WSCD2: variants seen among roughly 807,000 people sequenced by gnomAD.
WSCD2 encodes WSC domain sialate O sulfotransferase 2, also known as sialate:O-sulfotransferase 2.
WSCD2 carries 28 observed loss-of-function variants against 55.7 expected under a neutral mutation model. That is an observed-to-expected ratio of 0.50 (90% CI 0.37 to 0.69). The LOEUF is 0.69. Ranked by LOEUF, WSCD2 falls within the 30% of genes least tolerant of loss-of-function variation. The pLI is 0.00. For synonymous variants in WSCD2, 301 were observed against 301.9 expected (o/e 1.00, Z 0.03); for missense variants, 616 against 762.1 (o/e 0.81, Z 2.26).
Position 108,206,477 on chromosome 12 carries a change from C to A in WSCD2, c.497+74C>A. On this transcript the variant is annotated intron_variant, in intron 3 of 8. Transcript: ENST00000547525. The stretch of plus-strand genomic sequence containing the variant: ...AGATTCCCACCTGTGGTATTCTTTG[C>A]CCTGCTATGGGAGGGTGTGTTGAAG... The A allele has an allele frequency of 2.8e-6, 4 of 1,443,530 alleles. 1 individual carries two copies. The South Asian group carries it at 4.7e-5, about 17-fold the overall frequency. 89.4% of individuals were successfully genotyped at this position (1,443,530 alleles called of 1,614,324 possible).
intron 1 of WSCD2, among the ~76,000 whole-genome samples, chr12:108,130,475 G>GGGGT (rs1168797147): frequency 1.8e-4 from 24 of 134,512 alleles, no homozygotes; most frequent in African/African-American, 4.9e-4. Flanking sequence ...TCCATTCTGG[G>GGGGT]GTGTGTGTGT....
intron 1 of WSCD2, among the ~76,000 whole-genome samples, chr12:108,169,773 G>A (rs562209429): frequency 1.2e-4 from 19 of 152,204 alleles, no homozygotes; most frequent in Non-Finnish European, 2.5e-4. Flanking sequence ...AAGTCAGAGA[G>A]AGGCTACCTC....
Position 108,248,595 on chromosome 12 carries a change from A to G in WSCD2, c.*252A>G, listed in dbSNP as rs954909018. 7.8e-6 allele frequency: 10 copies of G among 1,275,576 alleles called. No individual in the cohort carries two copies. In the East Asian group the frequency reaches 2.3e-4, roughly 29 times the overall value. The allele number at this position is 1,275,576 out of a possible 1,614,324, so 79.0% of individuals were successfully genotyped here. A position where few individuals can be genotyped will look rare whatever the true frequency, so the allele number is the denominator to read the frequency against. On this transcript the variant is annotated 3_prime_UTR_variant, in exon 9 of 9. Coordinates refer to ENST00000547525, the MANE Select transcript of WSCD2 (RefSeq NM_014653.4). This position sits in a 1 kb window ranked among gnomAD's most constrained non-coding sequence, Gnocchi z 4.3. Reference sequence around the variant, plus strand: ...GCATCTTGTTTAGGGGGTTCTAGTTACATGGACTCTTTTCTGTCTCCTGGG... The same window carrying G: ...GCATCTTGTTTAGGGGGTTCTAGTTGCATGGACTCTTTTCTGTCTCCTGGG...
intron 1 of WSCD2, among the ~76,000 whole-genome samples, chr12:108,146,234 C>G (rs928241128): frequency 6.6e-6 from 1 of 152,196 alleles, no homozygotes; most frequent in Non-Finnish European, 1.5e-5. Flanking sequence ...TCTTTGGGGG[C>G]CCCCATCCAC....
chr12:108,218,594 A>C (rs899622129), intron 4 of WSCD2, among the ~76,000 whole-genome samples: 1 of 152,220 alleles, frequency 6.6e-6, no homozygotes, highest in Non-Finnish European at 1.5e-5. Context: ...AGGAAGATGC[A>C]TGTGTGCCAC....
At chr12:108,165,910 A>G (rs1879552711) in intron 1 of WSCD2, among the ~76,000 whole-genome samples, 1 of 152,200 alleles carries the variant, frequency 6.6e-6, no homozygotes, top group Non-Finnish European at 1.5e-5. Context: ...TCTGTGCCTG[A>G]GGCCTCTCTC....
At chr12:108,152,474 C>T (rs955655183) in intron 1 of WSCD2, among the ~76,000 whole-genome samples, 14 of 152,202 alleles carry the variant, frequency 9.2e-5, no homozygotes, top group African/African-American at 2.6e-4. Flanking sequence ...AATACAGGGT[C>T]GGGCAGGTGC....
At chr12:108,215,353 G>A (rs1593050665) in intron 4 of WSCD2, among the ~76,000 whole-genome samples, 1 of 152,238 alleles carries the variant, frequency 6.6e-6, no homozygotes, top group East Asian at 1.9e-4. Context: ...CTAGGCGTCT[G>A]GTGCTTCGTC....
At chr12:108,190,487 G>A (rs1218541446) in intron 1 of WSCD2, among the ~76,000 whole-genome samples, 1 of 152,074 alleles carries the variant, frequency 6.6e-6, no homozygotes, top group Non-Finnish European at 1.5e-5. Flanking sequence ...AGCCTCACAG[G>A]CTTCCATTCT....
intron 8 of WSCD2, among the ~76,000 whole-genome samples, chr12:108,247,278 A>G (rs1890157630): frequency 6.6e-6 from 1 of 150,878 alleles, no homozygotes; most frequent in African/African-American, 2.4e-5. Context: ...ATTAAAAGCT[A>G]TATTAATATA....
At chr12:108,206,589 C>T (rs763847481) in intron 3 of WSCD2, among the ~76,000 whole-genome samples, 186 bp downstream of exon 3, 2 of 152,238 alleles carry the variant, frequency 1.3e-5, no homozygotes, top group African/African-American at 2.4e-5. Flanking sequence ...CAACTGAGGA[C>T]TGCTCAAGAG....
chr12:108,197,515 C>T (rs1215482067), intron 2 of WSCD2, among the ~76,000 whole-genome samples: 6 of 152,150 alleles, frequency 3.9e-5, no homozygotes, highest in Admixed American at 2.0e-4. Flanking sequence ...TACCTTCTCC[C>T]GCCTCAGTTT....
At chr12:108,179,084 T>G (rs1390774252) in intron 1 of WSCD2, among the ~76,000 whole-genome samples, 1 of 152,222 alleles carries the variant, frequency 6.6e-6, no homozygotes, top group Non-Finnish European at 1.5e-5. Flanking sequence ...GATCAAACTC[T>G]GAGTTTTTTT....
Position 108,196,222 on chromosome 12 carries a change from C to G in WSCD2, c.382+8C>G. The G allele has an allele frequency of 6.2e-7, 1 of 1,607,542 alleles. No individual in the cohort carries two copies. Among genetic ancestry groups the G allele is most frequent in the Non-Finnish European group, 8.5e-7 (1 of 1,176,904 alleles). On this transcript the variant is annotated splice_region_variant and intron_variant, in intron 2 of 8. Transcript: ENST00000547525. ...AGAAGGAGGAAGAGCGAGGTAAGAG[C>G]GAGGAACATCTGGACACTGAGGGGC...
intron 7 of WSCD2, chr12:108,233,111 C>T (rs989986337): frequency 8.8e-5 from 47 of 533,314 alleles, no homozygotes; most frequent in Non-Finnish European, 1.3e-4. Context: ...ACTCCACTAG[C>T]ATCCATTCAA....
intron 2 of WSCD2, 26 bp from the exon 3 acceptor site, chr12:108,206,263 C>T (rs1244122099): frequency 1.9e-6 from 3 of 1,602,808 alleles, no homozygotes; most frequent in Admixed American, 1.7e-5. Context: ...TCCCCAGCCA[C>T]CTTTGACGTT....
At chr12:108,223,036 G>A (rs886072756) in intron 4 of WSCD2, among the ~76,000 whole-genome samples, 17 of 152,224 alleles carry the variant, frequency 1.1e-4, no homozygotes, top group African/African-American at 3.9e-4. Context: ...TTAATGCTGC[G>A]ATCTTGAGAT....
intron 4 of WSCD2, among the ~76,000 whole-genome samples, chr12:108,218,965 G>A (rs1002862523): frequency 2.0e-5 from 3 of 152,178 alleles, no homozygotes; most frequent in Non-Finnish European, 4.4e-5. Context: ...TTGCACTGGG[G>A]AAATAAGTAT....
chr12:108,155,904 G>A (rs1304492435), intron 1 of WSCD2, among the ~76,000 whole-genome samples: 2 of 152,098 alleles, frequency 1.3e-5, no homozygotes, highest in African/African-American at 4.8e-5. Context: ...AAAGATTCAG[G>A]GAACTGTTGG....
Sources: gnomAD v4.1 joint callset for allele counts (sites outside exome capture counted in the v4.1 genomes callset) on GRCh38, gnomAD v4.1.1 for gene constraint, Gnocchi (gnomAD v3.1) non-coding constraint, MANE v1.5 for transcripts, NCBI Gene and HGNC (gene_info 2026-07-23, HGNC 2026-07-21) for gene names.